The following SGCZ variants were observed in gnomAD, a reference collection of about 807,000 sequenced individuals.
SGCZ encodes the protein sarcoglycan zeta.
Under a neutral mutation model 41.3 loss-of-function variants are expected in SGCZ, and 40 were observed. The ratio of observed to expected loss-of-function variants is 0.97; its 90% CI spans 0.75 to 1.26. SGCZ has a LOEUF of 1.26. Among genes scored for constraint, SGCZ ranks in the 50% most tolerant of loss-of-function variants. SGCZ has a pLI of 0.00. For missense variants in SGCZ, 552 were observed against 369.8 expected (o/e 1.49, Z -4.04); for synonymous variants, 206 against 137.5 (o/e 1.50, Z -3.49).
Position 14,321,388 on chromosome 8 carries a change from G to A in SGCZ, c.336+2715C>T, listed in dbSNP as rs573564168. Reference sequence around the variant, plus strand: ...AAAAGTCTGTAGATATTTAGCGATGGAGAGAGGGTGAGAGGAGCTTGTAAA... The same window carrying A: ...AAAAGTCTGTAGATATTTAGCGATGAAGAGAGGGTGAGAGGAGCTTGTAAA... On this transcript the variant is annotated intron_variant, in intron 3 of 7. Coordinates refer to ENST00000382080, the MANE Select transcript of SGCZ (RefSeq NM_139167.4). Among the ~76,000 whole-genome samples the A allele has an allele frequency of 4.6e-5, 7 of 152,160 alleles. No homozygotes were observed. In the South Asian group the frequency reaches 1.5e-3, roughly 32 times the overall value.
At position 15,168,370 on chromosome 8, in the gene SGCZ, C is replaced by A. The variant is rs558256556; in HGVS notation, c.39+69215G>T. On this transcript the variant is annotated intron_variant, in intron 1 of 7. Coordinates refer to ENST00000382080, the MANE Select transcript of SGCZ (RefSeq NM_139167.4). The stretch of plus-strand genomic sequence containing the variant: ...TTACTGTCCATGGCATAAACGAGGT[C>A]TAGGAACGCAGAGGCTACTGACGGT... 4.5e-4 allele frequency among the ~76,000 whole-genome samples: 69 copies of A among 152,266 alleles called. 1 individual carries two copies. The highest frequency in any genetic ancestry group is 8.3e-4 in the South Asian group (4 of 4,830).
intron 1 of SGCZ, among the ~76,000 whole-genome samples, chr8:14,679,722 T>C (rs947867945): frequency 1.3e-5 from 2 of 151,974 alleles, no homozygotes; most frequent in Non-Finnish European, 2.9e-5. Flanking sequence ...GGTACAGTGT[T>C]TATAAAGTCC....
At chr8:14,505,323 T>C (rs959141859) in intron 2 of SGCZ, among the ~76,000 whole-genome samples, 17 of 152,114 alleles carry the variant, frequency 1.1e-4, no homozygotes, top group Non-Finnish European at 2.9e-5. Context: ...TGTAAGGACA[T>C]AAAATGCCCC....
At chr8:14,915,074 A>G (rs1393672862) in intron 1 of SGCZ, among the ~76,000 whole-genome samples, 2 of 152,166 alleles carry the variant, frequency 1.3e-5, no homozygotes, top group African/African-American at 2.4e-5. Flanking sequence ...GCTCTTTCAT[A>G]ACTCTCATAC....
intron 1 of SGCZ, among the ~76,000 whole-genome samples, chr8:14,750,011 G>C (rs1405889133): frequency 2.6e-5 from 4 of 152,140 alleles, no homozygotes; most frequent in African/African-American, 9.7e-5. Flanking sequence ...CTCTCCGTTA[G>C]AAGATCAAAA....
chr8:14,197,919 T>C (rs1295399914), intron 4 of SGCZ, among the ~76,000 whole-genome samples: 1 of 152,074 alleles, frequency 6.6e-6, no homozygotes, highest in African/African-American at 2.4e-5. Context: ...AAAATATATA[T>C]AAAGTTACTA....
chr8:14,354,808 TTTAA>T (rs1803235422), intron 2 of SGCZ, among the ~76,000 whole-genome samples: 1 of 151,878 alleles, frequency 6.6e-6, no homozygotes, highest in Admixed American at 6.6e-5. Context: ...ATAATTTGTA[TTTAA>T]TTATGAATTC....
intron 3 of SGCZ, among the ~76,000 whole-genome samples, chr8:14,253,530 A>G (rs6530739): frequency 0.67 from 101,428 of 151,860 alleles, 34,263 homozygotes; most frequent in South Asian, 0.78. Flanking sequence ...TTAACAGAAA[A>G]TCACTTTTTC....
At chr8:14,904,061 T>C (rs1387662107) in intron 1 of SGCZ, among the ~76,000 whole-genome samples, 5 of 152,232 alleles carry the variant, frequency 3.3e-5, no homozygotes, top group Admixed American at 3.3e-4. Flanking sequence ...TATTAACTTG[T>C]TGATAAAGCT....
At chr8:15,121,670 G>C (rs1807482389) in intron 1 of SGCZ, among the ~76,000 whole-genome samples, 1 of 152,130 alleles carries the variant, frequency 6.6e-6, no homozygotes, top group Non-Finnish European at 1.5e-5. Flanking sequence ...GAGTAATCAA[G>C]AAATACTTCA....
At chr8:14,665,569 C>G (rs1321484734) in intron 1 of SGCZ, among the ~76,000 whole-genome samples, 1 of 152,124 alleles carries the variant, frequency 6.6e-6, no homozygotes, top group Non-Finnish European at 1.5e-5. Flanking sequence ...AAACTCTTAT[C>G]ACTATATCTG....
At chr8:15,072,223 C>A (rs993515672) in intron 1 of SGCZ, among the ~76,000 whole-genome samples, 2 of 152,092 alleles carry the variant, frequency 1.3e-5, no homozygotes, top group African/African-American at 2.4e-5. Context: ...TATAGACTGG[C>A]CACCTAGGAA....
At chr8:14,776,212 C>T (rs547156852) in intron 1 of SGCZ, among the ~76,000 whole-genome samples, 4 of 152,220 alleles carry the variant, frequency 2.6e-5, no homozygotes, top group South Asian at 4.1e-4. Context: ...CCAAATCTTA[C>T]TTTGAATTGT....
At chr8:15,175,733 T>TA (rs898847955) in intron 1 of SGCZ, among the ~76,000 whole-genome samples, 1 of 151,982 alleles carries the variant, frequency 6.6e-6, no homozygotes, top group African/African-American at 2.4e-5. Flanking sequence ...CTGGAACTTC[T>TA]AAAAAAAATT....
At chr8:14,933,834 T>A (rs949415657) in intron 1 of SGCZ, among the ~76,000 whole-genome samples, 1 of 152,070 alleles carries the variant, frequency 6.6e-6, no homozygotes, top group African/African-American at 2.4e-5. Flanking sequence ...TGGCCAGTGC[T>A]CGTACCATAC....
At chr8:14,428,369 A>T (rs1799848760) in intron 2 of SGCZ, among the ~76,000 whole-genome samples, 2 of 152,106 alleles carry the variant, frequency 1.3e-5, no homozygotes, top group Admixed American at 6.6e-5. Flanking sequence ...ACGGGATGCA[A>T]GGAGTTTGAC....
chr8:14,249,340 TG>T (rs1193666708), intron 3 of SGCZ, among the ~76,000 whole-genome samples: 1 of 151,868 alleles, frequency 6.6e-6, no homozygotes, highest in African/African-American at 2.4e-5. Flanking sequence ...CAGGCTTTCC[TG>T]GGTCTCCAAC....
chr8:14,851,573 A>G (rs1303324726), intron 1 of SGCZ, among the ~76,000 whole-genome samples: 1 of 152,104 alleles, frequency 6.6e-6, no homozygotes, highest in East Asian at 1.9e-4. Flanking sequence ...TTTGAAACCC[A>G]AATGGTTTTA....
chr8:15,143,042 C>A (rs527815903), intron 1 of SGCZ, among the ~76,000 whole-genome samples: 45 of 152,304 alleles, frequency 3.0e-4, no homozygotes, highest in South Asian at 8.3e-4. Flanking sequence ...AATTTCTTTT[C>A]CTTTCCAAGG....
Sources: allele counts gnomAD v4.1 joint callset (sites outside exome capture counted in the v4.1 genomes callset), GRCh38; gene constraint gnomAD v4.1.1; transcripts MANE v1.5; gene names NCBI Gene and HGNC (gene_info 2026-07-23, HGNC 2026-07-21).